CIMIP6: variants seen among roughly 807,000 people sequenced by gnomAD.
CIMIP6 encodes the protein uncharacterized protein C2orf73.
At chr2:54,360,169 T>C in the CIMIP6 span, 1 of 1,502,710 alleles carries the variant, frequency 6.7e-7, no homozygotes, top group Non-Finnish European at 8.9e-7. Flanking sequence ...ATCTGCGTTC[T>C]CCTGGTTAAT....
the CIMIP6 span, among the ~76,000 whole-genome samples, chr2:54,379,409 A>G: frequency 1.3e-5 from 2 of 152,158 alleles, no homozygotes; most frequent in African/African-American, 4.8e-5. Context: ...TCATCAGATC[A>G]CCTGTGGCCC....
chr2:54,353,584 G>A, the CIMIP6 span, among the ~76,000 whole-genome samples: 1 of 152,038 alleles, frequency 6.6e-6, no homozygotes, highest in African/African-American at 2.4e-5. Context: ...CATCAAACTT[G>A]CTTTTATTAT....
chr2:54,356,138 A>G, the CIMIP6 span, among the ~76,000 whole-genome samples: 4 of 122,606 alleles, frequency 3.3e-5, no homozygotes, highest in African/African-American at 1.2e-4. Context: ...CCACCCTTAA[A>G]CTGTTAAAAA....
the CIMIP6 span, chr2:54,381,734 T>G: frequency 7.2e-7 from 1 of 1,386,428 alleles, no homozygotes; most frequent in South Asian, 1.8e-5. Flanking sequence ...GAGGCTTGAA[T>G]GACTTTTCCA....
the CIMIP6 span, among the ~76,000 whole-genome samples, chr2:54,332,709 T>C: frequency 3.3e-5 from 5 of 152,218 alleles, no homozygotes; most frequent in African/African-American, 9.7e-5. Context: ...ATATAACAAA[T>C]AGCCCCAGTC....
chr2:54,344,925 A>T, the CIMIP6 span, among the ~76,000 whole-genome samples: 1 of 152,310 alleles, frequency 6.6e-6, no homozygotes, highest in South Asian at 2.1e-4. Context: ...ATGAAGGTAG[A>T]TAATTAGCAA....
At chr2:54,341,337 C>A in the CIMIP6 span, among the ~76,000 whole-genome samples, 1 of 152,140 alleles carries the variant, frequency 6.6e-6, no homozygotes, top group Non-Finnish European at 1.5e-5. Context: ...TCTTTTTGCT[C>A]TTCTGCCTTC....
the CIMIP6 span, among the ~76,000 whole-genome samples, chr2:54,337,485 C>T: frequency 6.8e-4 from 103 of 152,316 alleles, 1 homozygote; most frequent in African/African-American, 2.5e-3. Context: ...GAAGTTCTTA[C>T]ATTTCTTACA....
the CIMIP6 span, among the ~76,000 whole-genome samples, chr2:54,340,743 G>A: frequency 6.6e-6 from 1 of 152,138 alleles, no homozygotes; most frequent in Non-Finnish European, 1.5e-5. Context: ...CAGTTTAAAA[G>A]AAATTTGCTC....
chr2:54,382,354 A>G, the CIMIP6 span, among the ~76,000 whole-genome samples: 1 of 152,214 alleles, frequency 6.6e-6, no homozygotes, highest in East Asian at 1.9e-4. Flanking sequence ...GCCATTATAG[A>G]TATGCCCTGA....
the CIMIP6 span, among the ~76,000 whole-genome samples, chr2:54,342,021 AG>A: frequency 3.9e-5 from 6 of 152,192 alleles, no homozygotes; most frequent in African/African-American, 1.4e-4. Context: ...TGAAAAGTGA[AG>A]CATTAGCCAA....
chr2:54,375,494 C>T, the CIMIP6 span, among the ~76,000 whole-genome samples: 1 of 152,086 alleles, frequency 6.6e-6, no homozygotes, highest in Non-Finnish European at 1.5e-5. Context: ...AGGGGGAAAG[C>T]AGGTACTTTA....
the CIMIP6 span, among the ~76,000 whole-genome samples, chr2:54,342,896 A>G: frequency 6.6e-6 from 1 of 152,144 alleles, no homozygotes; most frequent in Non-Finnish European, 1.5e-5. Context: ...CCACCTAATC[A>G]ACCAGTTTTA....
chr2:54,332,824 T>A, the CIMIP6 span, among the ~76,000 whole-genome samples: 1 of 152,208 alleles, frequency 6.6e-6, no homozygotes, highest in South Asian at 2.1e-4. Context: ...ATAAATTAAT[T>A]GACCCCAAAG....
chr2:54,335,012 G>A, the CIMIP6 span: 1 of 1,598,816 alleles, frequency 6.3e-7, no homozygotes, highest in Non-Finnish European at 8.5e-7. Flanking sequence ...CCAAAAAAGG[G>A]CCAGAAATAC....
chr2:54,336,848 A>G, the CIMIP6 span, among the ~76,000 whole-genome samples: 1 of 152,214 alleles, frequency 6.6e-6, no homozygotes, highest in African/African-American at 2.4e-5. Context: ...AAGAGCATTC[A>G]TAATGCACAA....
chr2:54,352,651 G>C, the CIMIP6 span, among the ~76,000 whole-genome samples: 3 of 152,080 alleles, frequency 2.0e-5, no homozygotes, highest in African/African-American at 7.2e-5. Flanking sequence ...GTAACCAGGG[G>C]ATTGGTTTCA....
the CIMIP6 span, among the ~76,000 whole-genome samples, chr2:54,333,818 G>A: frequency 6.6e-6 from 1 of 152,100 alleles, no homozygotes; most frequent in Admixed American, 6.5e-5. Flanking sequence ...ACTTGAACCT[G>A]GGAGGCAGAG....
At chr2:54,344,015 C>G in the CIMIP6 span, 1 of 698,866 alleles carries the variant, frequency 1.4e-6, no homozygotes, top group Non-Finnish European at 2.1e-6. Context: ...AAATACAGCC[C>G]TTGGGAAGTT....
Sources: gnomAD v4.1 joint callset for allele counts (sites outside exome capture counted in the v4.1 genomes callset) on GRCh38, gnomAD v4.1.1 for gene constraint, MANE v1.5 for transcripts, NCBI Gene and HGNC (gene_info 2026-07-23, HGNC 2026-07-21) for gene names.